CTNNA3: variants seen among roughly 807,000 people sequenced by gnomAD.
The protein encoded by CTNNA3 is catenin alpha-3.
CTNNA3 carries 76 observed loss-of-function variants against 95.7 expected under a neutral mutation model. That is an observed-to-expected ratio of 0.79 (90% CI 0.66 to 0.96). The LOEUF is 0.96. CTNNA3 is among the 40% of genes least tolerant of loss of function. The pLI, the probability that CTNNA3 is intolerant of heterozygous loss-of-function variation, is 0.00. For missense variants in CTNNA3, 1,191 were observed against 1,089.8 expected, an observed-to-expected ratio of 1.09 and a Z score of -1.31; for synonymous variants, 431 against 374.4, an observed-to-expected ratio of 1.15 and a Z score of -1.74.
At chr10:66,980,187 T>C (rs1450994785) in intron 7 of CTNNA3, among the ~76,000 whole-genome samples, 1 of 152,200 alleles carries the variant, frequency 6.6e-6, no homozygotes, top group Non-Finnish European at 1.5e-5. Flanking sequence ...GTGCTTTAAC[T>C]GACCTACGGC....
At chr10:66,072,968 G>A (rs1248214164) in intron 14 of CTNNA3, among the ~76,000 whole-genome samples, 1 of 152,110 alleles carries the variant, frequency 6.6e-6, no homozygotes, top group Non-Finnish European at 1.5e-5. Context: ...ATGAAATCCT[G>A]TCATTTGTGA....
intron 5 of CTNNA3, among the ~76,000 whole-genome samples, chr10:67,480,113 A>G (rs1350643315): frequency 6.6e-6 from 1 of 152,096 alleles, no homozygotes; most frequent in Non-Finnish European, 1.5e-5. Context: ...ACCAAAAAAA[A>G]AAGCCCTGGA....
chr10:67,761,985 T>C (rs989919478), intron 1 of CTNNA3, among the ~76,000 whole-genome samples: 12 of 152,242 alleles, frequency 7.9e-5, no homozygotes, highest in African/African-American at 2.9e-4. Context: ...CAATGTTTTA[T>C]GATATTATTG....
At chr10:66,314,027 C>A (rs1447572167) in intron 12 of CTNNA3, among the ~76,000 whole-genome samples, 1 of 152,096 alleles carries the variant, frequency 6.6e-6, no homozygotes, top group African/African-American at 2.4e-5. Context: ...GTCTAACAGA[C>A]AATTGAAGCA....
At chr10:67,200,553 T>C (rs1259974110) in intron 6 of CTNNA3, among the ~76,000 whole-genome samples, 1 of 152,108 alleles carries the variant, frequency 6.6e-6, no homozygotes, top group East Asian at 1.9e-4. Flanking sequence ...TGAGGTAAAG[T>C]GATCCCATCT....
At chr10:66,157,505 A>AT (rs1336674696) in intron 13 of CTNNA3, among the ~76,000 whole-genome samples, 6 of 84,174 alleles carry the variant, frequency 7.1e-5, no homozygotes, top group African/African-American at 2.3e-4. Context: ...ATAGATAGAT[A>AT]GATAGATAGA....
chr10:67,495,173 C>T (rs1262759640), intron 5 of CTNNA3, among the ~76,000 whole-genome samples: 2 of 152,102 alleles, frequency 1.3e-5, no homozygotes, highest in African/African-American at 2.4e-5. Flanking sequence ...CCCACACACA[C>T]CGCCATCTAA....
intron 11 of CTNNA3, among the ~76,000 whole-genome samples, chr10:66,421,016 T>C (rs2093188912): frequency 6.6e-6 from 1 of 152,130 alleles, no homozygotes; most frequent in Admixed American, 6.6e-5. Context: ...CCAAACTTAG[T>C]GTCCATTAAC....
At chr10:67,718,728 C>G (rs1343864909) in intron 1 of CTNNA3, among the ~76,000 whole-genome samples, 2 of 152,286 alleles carry the variant, frequency 1.3e-5, no homozygotes, top group East Asian at 3.9e-4. Flanking sequence ...AGGGTTTTCG[C>G]ATCGATGTTC....
intron 9 of CTNNA3, among the ~76,000 whole-genome samples, chr10:66,656,370 T>C (rs778344612): frequency 2.6e-4 from 39 of 152,232 alleles, no homozygotes; most frequent in Non-Finnish European, 5.7e-4. Flanking sequence ...AAAACTAATA[T>C]GCAGAAGCTG....
chr10:66,467,315 T>C (rs1390815086), intron 11 of CTNNA3, among the ~76,000 whole-genome samples: 2 of 152,046 alleles, frequency 1.3e-5, no homozygotes, highest in Non-Finnish European at 2.9e-5. Flanking sequence ...AATGAGTGAA[T>C]TCATGCTGGT....
At chr10:67,664,210 T>A (rs1840272418) in intron 1 of CTNNA3, among the ~76,000 whole-genome samples, 1 of 152,236 alleles carries the variant, frequency 6.6e-6, no homozygotes. Flanking sequence ...TTCTATTATG[T>A]AGATATTTTA....
intron 11 of CTNNA3, among the ~76,000 whole-genome samples, chr10:66,464,575 C>A (rs1012944925): frequency 2.0e-5 from 3 of 151,854 alleles, no homozygotes; most frequent in African/African-American, 7.3e-5. Flanking sequence ...CCAGCCTGGC[C>A]AACATGGTGA....
At chr10:65,959,511 A>G (rs997034115) in intron 17 of CTNNA3, among the ~76,000 whole-genome samples, 1 of 152,040 alleles carries the variant, frequency 6.6e-6, no homozygotes, top group Admixed American at 6.5e-5. Flanking sequence ...CTATTTGGCC[A>G]TCTTGGAACC....
At chr10:67,231,669 G>A (rs1865219408) in intron 5 of CTNNA3, among the ~76,000 whole-genome samples, 1 of 148,382 alleles carries the variant, frequency 6.7e-6, no homozygotes, top group Non-Finnish European at 1.5e-5. Context: ...AACAAAGCTG[G>A]ACGGAGAATG....
At chr10:65,989,644 TA>T (rs1564562292) in intron 15 of CTNNA3, among the ~76,000 whole-genome samples, 1 of 152,220 alleles carries the variant, frequency 6.6e-6, no homozygotes, top group East Asian at 1.9e-4. Flanking sequence ...TGTACATACA[TA>T]GAATGTGTAA....
At chr10:66,902,806 C>T (rs1055711048) in intron 7 of CTNNA3, among the ~76,000 whole-genome samples, 1 of 152,130 alleles carries the variant, frequency 6.6e-6, no homozygotes, top group African/African-American at 2.4e-5. Flanking sequence ...TGGACACATA[C>T]ACCCTCCCAA....
intron 7 of CTNNA3, among the ~76,000 whole-genome samples, chr10:66,880,565 C>T (rs768770703): frequency 3.9e-5 from 6 of 152,048 alleles, no homozygotes; most frequent in Non-Finnish European, 8.8e-5. Context: ...TTTGATGACC[C>T]TAGTCTTGGA....
At chr10:67,178,616 A>C (rs887045382) in intron 7 of CTNNA3, among the ~76,000 whole-genome samples, 1 of 152,150 alleles carries the variant, frequency 6.6e-6, no homozygotes, top group African/African-American at 2.4e-5. Context: ...GCACATGTAT[A>C]TATATCTGAA....
Sources: allele counts gnomAD v4.1 joint callset (sites outside exome capture counted in the v4.1 genomes callset), GRCh38; gene constraint gnomAD v4.1.1; transcripts MANE v1.5; gene names NCBI Gene and HGNC (gene_info 2026-07-23, HGNC 2026-07-21).